RALGPS1: variants seen among roughly 807,000 people sequenced by gnomAD.
The protein encoded by RALGPS1 is Ral GEF with PH domain and SH3 binding motif 1.
RALGPS1 carries 19 observed loss-of-function variants against 78.8 expected under a neutral mutation model. The ratio of observed to expected loss-of-function variants is 0.24; its 90% confidence interval spans 0.17 to 0.35. The LOEUF (loss-of-function observed/expected upper bound fraction) is 0.35, where lower values mean the gene tolerates loss of function less well. RALGPS1 is among the 10% of genes least tolerant of loss of function. The probability of loss-of-function intolerance (pLI) is 1.00; values close to 1 mark genes in which losing one functional copy is unlikely to be tolerated. For synonymous variants in RALGPS1, 228 were observed against 256.3 expected (o/e 0.89, Z 1.06); for missense variants, 454 against 688.3 (o/e 0.66, Z 3.81).
chr9:127,141,603 A>AT (rs766905263), intron 8 of RALGPS1, among the ~76,000 whole-genome samples: 154 of 114,272 alleles, frequency 1.3e-3, no homozygotes, highest in Admixed American at 2.4e-3. Context: ...GGTTGCCAAT[A>AT]TTTTTTTAAT....
intron 7 of RALGPS1, among the ~76,000 whole-genome samples, chr9:127,056,596 C>T (rs1025288314): frequency 6.6e-6 from 1 of 152,146 alleles, no homozygotes; most frequent in African/African-American, 2.4e-5. Flanking sequence ...CCAAATCACC[C>T]CCAGCCCCAG....
At chr9:127,201,357 G>T (rs958526524) in intron 14 of RALGPS1, among the ~76,000 whole-genome samples, 2 of 152,156 alleles carry the variant, frequency 1.3e-5, no homozygotes, top group Non-Finnish European at 2.9e-5. Flanking sequence ...GGGAGCAGGG[G>T]GCCACCTGCT....
chr9:127,162,026 A>G (rs1428110870), intron 8 of RALGPS1, among the ~76,000 whole-genome samples: 1 of 152,204 alleles, frequency 6.6e-6, no homozygotes, highest in African/African-American at 2.4e-5. Context: ...AGCTCTCTTT[A>G]TCATCACTTG....
chr9:127,021,497 CA>C (rs397690141), intron 4 of RALGPS1, among the ~76,000 whole-genome samples: 352 of 113,532 alleles, frequency 3.1e-3, no homozygotes, highest in African/African-American at 8.5e-3. Context: ...GACTCTGTCT[CA>C]AAAAAAAAAA....
At chr9:126,916,259 G>A (rs2034148558) in intron 1 of RALGPS1, among the ~76,000 whole-genome samples, 1 of 152,232 alleles carries the variant, frequency 6.6e-6, no homozygotes, top group Admixed American at 6.5e-5. Context: ...TTTGTTGGGA[G>A]TTCCCAAAAG....
At chr9:126,959,287 C>G (rs2038661165) in intron 1 of RALGPS1, among the ~76,000 whole-genome samples, 1 of 152,146 alleles carries the variant, frequency 6.6e-6, no homozygotes, top group South Asian at 2.1e-4. Flanking sequence ...GTCTCAAACT[C>G]CTGACCTCAG....
At chr9:127,020,172 A>G (rs761337340) in intron 4 of RALGPS1, among the ~76,000 whole-genome samples, 3 of 152,184 alleles carry the variant, frequency 2.0e-5, no homozygotes, top group South Asian at 2.1e-4. Flanking sequence ...GAGAGAACTC[A>G]CTGGTAAAAC....
chr9:127,023,546 G>T (rs1207912027), intron 4 of RALGPS1, among the ~76,000 whole-genome samples: 1 of 151,994 alleles, frequency 6.6e-6, no homozygotes, highest in Non-Finnish European at 1.5e-5. Flanking sequence ...TCCAGGGAGG[G>T]CTTGGGACAG....
chr9:127,128,714 C>G (rs563588571), intron 8 of RALGPS1, among the ~76,000 whole-genome samples: 1 of 152,334 alleles, frequency 6.6e-6, no homozygotes, highest in East Asian at 1.9e-4. Context: ...TCCTGTGACT[C>G]TCCGCACCAT....
intron 1 of RALGPS1, among the ~76,000 whole-genome samples, chr9:126,937,017 AT>A (rs1447073243): frequency 6.6e-6 from 1 of 151,974 alleles, no homozygotes; most frequent in East Asian, 1.9e-4. Flanking sequence ...GACCCAGCTA[AT>A]TTTTGTATTT....
chr9:127,140,370 A>G (rs2057686848), intron 8 of RALGPS1, among the ~76,000 whole-genome samples: 1 of 152,214 alleles, frequency 6.6e-6, no homozygotes, highest in Non-Finnish European at 1.5e-5. Context: ...CAGTCAAGAA[A>G]GTCCTGAACG....
chr9:127,038,620 A>G (rs1313625929), intron 5 of RALGPS1, among the ~76,000 whole-genome samples: 1 of 152,226 alleles, frequency 6.6e-6, no homozygotes, highest in African/African-American at 2.4e-5. Flanking sequence ...AATATGTACT[A>G]GGCTCTGTGC....
At chr9:126,968,204 T>C (rs1223544770) in intron 3 of RALGPS1, among the ~76,000 whole-genome samples, 1 of 152,140 alleles carries the variant, frequency 6.6e-6, no homozygotes, top group Non-Finnish European at 1.5e-5. Flanking sequence ...GGTTTCACCA[T>C]GTTGGCCAGG....
chr9:127,204,068 A>G (rs1314618814), intron 14 of RALGPS1, among the ~76,000 whole-genome samples: 1 of 152,214 alleles, frequency 6.6e-6, no homozygotes, highest in East Asian at 1.9e-4. Flanking sequence ...GGCAGCTCTC[A>G]GTACCTCTGA....
chr9:127,045,744 CACACACACACACACACAT>C (rs1438477709), intron 5 of RALGPS1, among the ~76,000 whole-genome samples: 1,489 of 105,654 alleles, frequency 0.014, 11 homozygotes, highest in South Asian at 0.047. Context: ...CACACACACA[CACACACACACACACACAT>C]ACACACACAC....
intron 7 of RALGPS1, among the ~76,000 whole-genome samples, chr9:127,059,096 A>G (rs1190331372): frequency 6.6e-6 from 1 of 152,168 alleles, no homozygotes; most frequent in Non-Finnish European, 1.5e-5. Flanking sequence ...AACTAAGGCC[A>G]CTTTGCAAAT....
intron 11 of RALGPS1, among the ~76,000 whole-genome samples, chr9:127,188,711 A>T (rs1020084061): frequency 2.2e-4 from 33 of 151,780 alleles, no homozygotes; most frequent in Non-Finnish European, 7.4e-5. Flanking sequence ...CATGCCTGCA[A>T]TTCCAGCACT....
chr9:126,947,386 A>G (rs1206837499), intron 1 of RALGPS1, among the ~76,000 whole-genome samples: 1 of 152,230 alleles, frequency 6.6e-6, no homozygotes. Flanking sequence ...GAGTGCTGAC[A>G]TGATGCTCAA....
At chr9:127,025,843 A>G (rs2095738) in intron 4 of RALGPS1, among the ~76,000 whole-genome samples, 2 of 151,768 alleles carry the variant, frequency 1.3e-5, no homozygotes, top group African/African-American at 4.8e-5. Flanking sequence ...AGGCAAGCAC[A>G]CCATGCCTGG....
Sources: allele counts gnomAD v4.1 joint callset (sites outside exome capture counted in the v4.1 genomes callset), GRCh38; gene constraint gnomAD v4.1.1; transcripts MANE v1.5; gene names NCBI Gene and HGNC (gene_info 2026-07-23, HGNC 2026-07-21).